C2orf74: variants seen among roughly 807,000 people sequenced by gnomAD.
C2orf74 encodes the protein DPM1 ER membrane anchor 1.
A neutral mutation model predicts 17.9 loss-of-function variants in C2orf74; 14 were observed. That is an observed-to-expected ratio of 0.78 (90% CI 0.52 to 1.22). The LOEUF (loss-of-function observed/expected upper bound fraction) is 1.22. Ranked by LOEUF, C2orf74 falls within the 50% of genes most tolerant of loss-of-function variation. C2orf74 has a pLI of 0.00. For synonymous variants in C2orf74, 79 were observed against 72.6 expected, an observed-to-expected ratio of 1.09 and a Z score of -0.44; for missense variants, 217 against 218.4, an observed-to-expected ratio of 0.99 and a Z score of 0.04.
At chr2:61,153,483 C>T (rs1685300208) in intron 1 of C2orf74, among the ~76,000 whole-genome samples, 1 of 151,538 alleles carries the variant, frequency 6.6e-6, no homozygotes. Context: ...TGGGTTTCAC[C>T]ATGTTAGCCA....
intron 1 of C2orf74, among the ~76,000 whole-genome samples, chr2:61,155,371 T>C (rs1297143086): frequency 6.6e-6 from 1 of 152,228 alleles, no homozygotes; most frequent in Non-Finnish European, 1.5e-5. Flanking sequence ...TATTTCTCTT[T>C]TGATTTTTTT....
chr2:61,163,889 T>A (rs1185048412), intron 4 of C2orf74, among the ~76,000 whole-genome samples: 2 of 152,030 alleles, frequency 1.3e-5, no homozygotes, highest in Non-Finnish European at 2.9e-5. Flanking sequence ...CTCTCCTGTT[T>A]CCAATGAGAA....
intron 1 of C2orf74, among the ~76,000 whole-genome samples, chr2:61,153,055 G>C (rs991426335): frequency 4.6e-5 from 7 of 151,446 alleles, no homozygotes; most frequent in Non-Finnish European, 8.8e-5. Flanking sequence ...GGGAGGCTGA[G>C]GCAGGAGAAT....
In C2orf74 at chr2:61,153,025, G is replaced by T. The variant is rs1685282289; in HGVS notation, c.-122+7829G>T. ...AAATTAGCCGGGCGTTGTAGTGCAT[G>T]CCTGTAATCCCAGCTACTCGGGAGG... On this transcript the variant is annotated intron_variant, in intron 1 of 3. Coordinates refer to the C2orf74 transcript ENST00000426997. 2.0e-5 allele frequency among the ~76,000 whole-genome samples: 3 copies of T among 151,446 alleles called. No homozygotes were observed. In the South Asian group the frequency reaches 6.3e-4, roughly 32 times the overall value.
chr2:61,148,511 AT>A (rs991881988), intron 1 of C2orf74, among the ~76,000 whole-genome samples: 1 of 152,076 alleles, frequency 6.6e-6, no homozygotes, highest in Non-Finnish European at 1.5e-5. Context: ...TAATAAAATT[AT>A]TTTTATTGTT....
chr2:61,156,685 A>T (rs1685400742), intron 1 of C2orf74, among the ~76,000 whole-genome samples: 2 of 152,156 alleles, frequency 1.3e-5, no homozygotes, highest in African/African-American at 4.8e-5. Context: ...GGGGTTTGAG[A>T]CCAGCATGGG....
upstream of C2orf74, among the ~76,000 whole-genome samples, chr2:61,159,907 A>T (rs935942285): frequency 1.3e-5 from 2 of 152,220 alleles, no homozygotes; most frequent in Non-Finnish European, 2.9e-5. Context: ...TGCTACCATC[A>T]CCACTGTCTG....
chr2:61,147,734 A>G (rs1225857601), intron 1 of C2orf74, among the ~76,000 whole-genome samples: 1 of 152,034 alleles, frequency 6.6e-6, no homozygotes, highest in Non-Finnish European at 1.5e-5. Flanking sequence ...TGTGTGGCAA[A>G]TATTTTCTAC....
upstream of C2orf74, among the ~76,000 whole-genome samples, chr2:61,157,537 C>G (rs967468630): frequency 1.3e-5 from 2 of 152,160 alleles, no homozygotes; most frequent in African/African-American, 4.8e-5. Flanking sequence ...CATGGACTCA[C>G]ACAGCTGAAA....
intron 1 of C2orf74, among the ~76,000 whole-genome samples, chr2:61,146,457 A>G (rs1057514365): frequency 3.3e-5 from 5 of 152,226 alleles, no homozygotes; most frequent in Non-Finnish European, 5.9e-5. Flanking sequence ...TCCTCATTAT[A>G]ATATATTGAA....
upstream of C2orf74, chr2:61,158,131 C>T: frequency 5.1e-6 from 2 of 395,148 alleles, no homozygotes; most frequent in South Asian, 1.9e-5. Flanking sequence ...CCCTGCTCCC[C>T]CATCTTCTGG....
intron 1 of C2orf74, among the ~76,000 whole-genome samples, chr2:61,150,921 T>A (rs1685206643): frequency 6.6e-6 from 1 of 152,056 alleles, no homozygotes; most frequent in African/African-American, 2.4e-5. Flanking sequence ...TGGCTCTGGA[T>A]TGGTTAGTTT....
upstream of C2orf74, chr2:61,158,054 C>T (rs1403988089): frequency 8.6e-6 from 4 of 467,792 alleles, no homozygotes; most frequent in African/African-American, 2.0e-5. Context: ...ATGGAAGAGG[C>T]AATATCTGAC....
At chr2:61,152,046 G>C (rs1685242703) in intron 1 of C2orf74, 1 of 152,320 alleles carries the variant, frequency 6.6e-6, no homozygotes, top group African/African-American at 2.4e-5. Flanking sequence ...GGCGCATCAT[G>C]GTGAGTCTCA....
intron 1 of C2orf74, among the ~76,000 whole-genome samples, chr2:61,146,472 C>T (rs776630242): frequency 3.9e-5 from 6 of 152,120 alleles, no homozygotes; most frequent in Non-Finnish European, 7.3e-5. Flanking sequence ...ATTGAATTAT[C>T]TGAATGCTGT....
chr2:61,157,936 G>A (rs762544261), upstream of C2orf74: 1 of 471,274 alleles, frequency 2.1e-6, no homozygotes, highest in Non-Finnish European at 4.4e-6. Flanking sequence ...ACCATCTGGA[G>A]CCCAAGTTGC....
chr2:61,162,155 GA>G, upstream of C2orf74: 13 of 236,584 alleles, frequency 5.5e-5, no homozygotes, highest in South Asian at 3.3e-4. Context: ...GACGAGAGAA[GA>G]ATGGGGAGCT....
At chr2:61,148,352 A>G (rs556766731) in intron 1 of C2orf74, among the ~76,000 whole-genome samples, 3 of 151,416 alleles carry the variant, frequency 2.0e-5, no homozygotes, top group Non-Finnish European at 2.9e-5. Context: ...ACGTCCAGCA[A>G]ATTTTTATAT....
intron 1 of C2orf74, among the ~76,000 whole-genome samples, chr2:61,146,820 A>G (rs1362524652): frequency 6.7e-6 from 1 of 150,162 alleles, no homozygotes; most frequent in East Asian, 2.0e-4. Context: ...GCCTGGCGAC[A>G]GAGCAAGACT....
Sources: gnomAD v4.1 joint callset for allele counts (sites outside exome capture counted in the v4.1 genomes callset) on GRCh38, gnomAD v4.1.1 for gene constraint, MANE v1.5 for transcripts, NCBI Gene and HGNC (gene_info 2026-07-23, HGNC 2026-07-21) for gene names.